RALYL: variants seen among roughly 807,000 people sequenced by gnomAD.
RALYL encodes the protein RALY RNA binding protein like.
RALYL carries 29 observed loss-of-function variants against 35.1 expected under a neutral mutation model. That is an observed-to-expected ratio of 0.83 (90% CI 0.61 to 1.13). The LOEUF (loss-of-function observed/expected upper bound fraction) is 1.13. RALYL is among the 50% of genes most tolerant of loss of function. RALYL has a pLI of 0.00. For synonymous variants in RALYL, 120 were observed against 127.6 expected (o/e 0.94, Z 0.40); for missense variants, 359 against 360.4 (o/e 1.00, Z 0.03).
At chr8:84,504,677 A>G (rs2057008041) in intron 1 of RALYL, among the ~76,000 whole-genome samples, 1 of 152,182 alleles carries the variant, frequency 6.6e-6, no homozygotes, top group South Asian at 2.1e-4. Flanking sequence ...AAAGATGTCC[A>G]TATTACATTG....
At chr8:84,812,438 C>A (rs2134113555) in intron 4 of RALYL, among the ~76,000 whole-genome samples, 1 of 152,200 alleles carries the variant, frequency 6.6e-6, no homozygotes, top group East Asian at 1.9e-4. Context: ...TTCCAGGGAG[C>A]ATCAGCTGTG....
intron 1 of RALYL, among the ~76,000 whole-genome samples, chr8:84,332,891 T>G (rs1415484143): frequency 6.6e-6 from 1 of 152,058 alleles, no homozygotes; most frequent in East Asian, 1.9e-4. Context: ...GACAATTAAA[T>G]CTCACAGTGA....
At chr8:84,844,402 A>G (rs966552826) in intron 4 of RALYL, among the ~76,000 whole-genome samples, 1 of 152,218 alleles carries the variant, frequency 6.6e-6, no homozygotes, top group African/African-American at 2.4e-5. Flanking sequence ...AGAAATGCAA[A>G]TCAAAACCAC....
Position 84,741,135 on chromosome 8 carries a change from C to G in RALYL, c.257-33444C>G, listed in dbSNP as rs578146064. Among the ~76,000 whole-genome samples the G allele has an allele frequency of 3.3e-5, 5 of 151,984 alleles. No homozygotes were observed. In the East Asian group the frequency reaches 9.7e-4, roughly 29 times the overall value. On this transcript the variant is annotated intron_variant, in intron 2 of 8. Coordinates refer to ENST00000521268, the MANE Select transcript of RALYL (RefSeq NM_173848.7). Reference sequence around the variant, plus strand: ...GTCATTTTAGAATGATTTGACTCCTCTCCTTTGTATGGCTTATCCTGGATG... The same window carrying G: ...GTCATTTTAGAATGATTTGACTCCTGTCCTTTGTATGGCTTATCCTGGATG...
intron 2 of RALYL, among the ~76,000 whole-genome samples, chr8:84,757,958 G>T (rs972955137): frequency 6.6e-6 from 1 of 151,860 alleles, no homozygotes; most frequent in Non-Finnish European, 1.5e-5. Context: ...GCAAAATATA[G>T]GAGAAAAAAC....
rs1161989172 is a variant in RALYL, at chr8:84,921,077, T to C, written c.*166T>C. 14 of 432,828 alleles carry C rather than the reference T, an allele frequency of 3.2e-5. No individual in the cohort carries two copies. The highest frequency in any genetic ancestry group is 5.5e-5 in the Non-Finnish European group (13 of 238,290). 26.8% of individuals were successfully genotyped at this position (432,828 alleles called of 1,614,324 possible). ...TGCTCAGTTTTAGAAATTCCATTTC[T>C]TCTATGTTTTAAGCTGTACAATTGT... On this transcript the variant is annotated 3_prime_UTR_variant, in exon 9 of 9. Coordinates refer to ENST00000521268, the MANE Select transcript of RALYL (RefSeq NM_173848.7).
At chr8:84,631,922 C>A (rs1478041012) in intron 2 of RALYL, among the ~76,000 whole-genome samples, 1 of 151,878 alleles carries the variant, frequency 6.6e-6, no homozygotes, top group South Asian at 2.1e-4. Flanking sequence ...TATTATTAAA[C>A]AAATTCCATA....
intron 4 of RALYL, among the ~76,000 whole-genome samples, chr8:84,845,986 C>T (rs541958869): frequency 2.0e-5 from 3 of 152,184 alleles, no homozygotes; most frequent in South Asian, 4.1e-4. Flanking sequence ...TATCCTGTTC[C>T]ATTGGTCTAT....
chr8:84,591,068 G>T (rs16913014), intron 2 of RALYL, among the ~76,000 whole-genome samples: 1 of 152,098 alleles, frequency 6.6e-6, no homozygotes, highest in Non-Finnish European at 1.5e-5. Flanking sequence ...AGAACATGCC[G>T]AAAGCATTTG....
intron 2 of RALYL, among the ~76,000 whole-genome samples, chr8:84,534,360 C>T (rs780250529): frequency 6.6e-6 from 1 of 152,206 alleles, no homozygotes; most frequent in African/African-American, 2.4e-5. Flanking sequence ...TTAGTGAAAC[C>T]TACTTGTGTC....
intron 2 of RALYL, among the ~76,000 whole-genome samples, chr8:84,610,871 C>G (rs1173935276): frequency 6.6e-6 from 1 of 152,128 alleles, no homozygotes; most frequent in Non-Finnish European, 1.5e-5. Flanking sequence ...CGTCAATGTA[C>G]ATGTGTGTAT....
chr8:84,313,548 A>C (rs1288865523), intron 1 of RALYL, among the ~76,000 whole-genome samples: 3 of 152,184 alleles, frequency 2.0e-5, no homozygotes, highest in African/African-American at 7.2e-5. Flanking sequence ...CACTTCTTGA[A>C]TACTTTGCTG....
intron 1 of RALYL, among the ~76,000 whole-genome samples, chr8:84,315,907 C>T (rs926723586): frequency 1.7e-4 from 26 of 151,068 alleles, no homozygotes; most frequent in Non-Finnish European, 3.0e-4. Context: ...ATGAAAATTA[C>T]AGGTTGCTTT....
At chr8:84,749,018 G>A (rs1014704866) in intron 2 of RALYL, among the ~76,000 whole-genome samples, 32 of 151,964 alleles carry the variant, frequency 2.1e-4, no homozygotes, top group African/African-American at 7.7e-4. Context: ...TTTCTGTAAT[G>A]GCAGCAGCAC....
chr8:84,229,156 AT>A (rs752427538), intron 1 of RALYL, among the ~76,000 whole-genome samples: 4 of 152,178 alleles, frequency 2.6e-5, no homozygotes, highest in Non-Finnish European at 4.4e-5. Context: ...TCAATCAGCC[AT>A]TTTGGTGGCC....
chr8:84,593,089 G>A (rs1813657723), intron 2 of RALYL, among the ~76,000 whole-genome samples: 1 of 152,062 alleles, frequency 6.6e-6, no homozygotes, highest in East Asian at 1.9e-4. Context: ...GCATTTCTAA[G>A]TACATTAGTT....
At chr8:84,509,708 GT>G (rs2057453421) in intron 1 of RALYL, among the ~76,000 whole-genome samples, 1 of 152,028 alleles carries the variant, frequency 6.6e-6, no homozygotes, top group Non-Finnish European at 1.5e-5. Flanking sequence ...GGTGTAAAGT[GT>G]TTGTCTAGAT....
intron 3 of RALYL, among the ~76,000 whole-genome samples, chr8:84,803,146 A>C (rs1823751640): frequency 6.6e-6 from 1 of 152,210 alleles, no homozygotes; most frequent in Admixed American, 6.5e-5. Context: ...ACATACACTA[A>C]TGTCTGATAA....
chr8:84,373,842 C>T (rs1050739717), intron 1 of RALYL, among the ~76,000 whole-genome samples: 2 of 151,974 alleles, frequency 1.3e-5, no homozygotes, highest in Non-Finnish European at 2.9e-5. Flanking sequence ...TATCCATGAG[C>T]GTGGAATGCT....
Sources: gnomAD v4.1 joint callset for allele counts (sites outside exome capture counted in the v4.1 genomes callset) on GRCh38, gnomAD v4.1.1 for gene constraint, MANE v1.5 for transcripts, NCBI Gene and HGNC (gene_info 2026-07-23, HGNC 2026-07-21) for gene names.